RARB: variants seen among roughly 807,000 people sequenced by gnomAD.
RARB encodes the protein retinoic acid receptor beta.
A neutral mutation model predicts 51.9 loss-of-function variants in RARB; 17 were observed. The ratio of observed to expected loss-of-function variants is 0.33; its 90% CI spans 0.22 to 0.49. RARB has a LOEUF of 0.49. RARB is among the 20% of genes least tolerant of loss of function. RARB has a pLI of 0.99. For synonymous variants in RARB, 215 were observed against 195.4 expected (o/e 1.10, Z -0.84); for missense variants, 369 against 550.8 (o/e 0.67, Z 3.30).
At chr3:25,311,989 G>GA (rs375474729) in intron 5 of RARB, among the ~76,000 whole-genome samples, 23 of 151,544 alleles carry the variant, frequency 1.5e-4, no homozygotes, top group African/African-American at 5.6e-4. Context: ...TACTTGGTTA[G>GA]AAAAAAAAGG....
At chr3:25,346,536 C>T (rs1705400390) in intron 5 of RARB, among the ~76,000 whole-genome samples, 1 of 152,154 alleles carries the variant, frequency 6.6e-6, no homozygotes, top group Admixed American at 6.5e-5. Context: ...CAGATGAGCT[C>T]ACCAGTCCCT....
At chr3:25,491,694 A>G (rs1696746418) in intron 2 of RARB, among the ~76,000 whole-genome samples, 1 of 152,180 alleles carries the variant, frequency 6.6e-6, no homozygotes, top group African/African-American at 2.4e-5. Flanking sequence ...TAATCCCAAC[A>G]CTGTGGGAGA....
chr3:25,409,944 A>G (rs565720731), intron 5 of RARB, among the ~76,000 whole-genome samples: 1 of 152,320 alleles, frequency 6.6e-6, no homozygotes, highest in Non-Finnish European at 1.5e-5. Context: ...TTTGTCCTAG[A>G]CAAATCCTAA....
At chr3:25,479,797 C>G (rs543420318) in intron 2 of RARB, among the ~76,000 whole-genome samples, 36 of 152,266 alleles carry the variant, frequency 2.4e-4, no homozygotes, top group Non-Finnish European at 4.1e-4. Flanking sequence ...CTTTCAACCC[C>G]TCTTCTACTG....
At chr3:25,202,454 T>G in intron 5 of RARB, among the ~76,000 whole-genome samples, 1 of 152,202 alleles carries the variant, frequency 6.6e-6, no homozygotes, top group Admixed American at 6.5e-5. Context: ...GCTCTGATCT[T>G]AGTTATTTCT....
At chr3:24,909,153 G>A (rs1274605619) in intron 2 of RARB, among the ~76,000 whole-genome samples, 1 of 152,146 alleles carries the variant, frequency 6.6e-6, no homozygotes, top group African/African-American at 2.4e-5. Flanking sequence ...TTAAAAGCAA[G>A]TAAGTTGTAG....
At chr3:25,274,082 G>A (rs372933121) in intron 5 of RARB, among the ~76,000 whole-genome samples, 1 of 152,118 alleles carries the variant, frequency 6.6e-6, no homozygotes, top group South Asian at 2.1e-4. Flanking sequence ...TGTATCCTCT[G>A]AGACATATAT....
In RARB at chr3:25,480,429, T is replaced by TCTTTCC. The variant is rs1008353153; in HGVS notation, c.306+19099_306+19104dup. Among the ~76,000 whole-genome samples, 5 of 152,348 alleles carry TCTTTCC rather than the reference T, an allele frequency of 3.3e-5. No homozygotes were observed. In the East Asian group the frequency reaches 7.7e-4, roughly 23 times the overall value. ...AGTCTGTGAACCTCCCGGTTACTTC[T>TCTTTCC]CTTTCCCTTTCCCTTTAGGAACATG... On this transcript the variant is annotated intron_variant, in intron 2 of 7. Transcript: ENST00000330688.
At chr3:25,115,776 C>A (rs1699676666) in intron 3 of RARB, among the ~76,000 whole-genome samples, 1 of 151,904 alleles carries the variant, frequency 6.6e-6, no homozygotes, top group Admixed American at 6.6e-5. Context: ...ACAGCACATG[C>A]CATCACACTC....
intron 2 of RARB, among the ~76,000 whole-genome samples, chr3:25,049,485 G>T (rs920055220): frequency 6.6e-6 from 1 of 152,124 alleles, no homozygotes; most frequent in Non-Finnish European, 1.5e-5. Context: ...TCCAGTTGAG[G>T]TCCTTGTCAT....
At chr3:25,248,772 G>T (rs1702632604) in intron 5 of RARB, among the ~76,000 whole-genome samples, 1 of 151,992 alleles carries the variant, frequency 6.6e-6, no homozygotes, top group Non-Finnish European at 1.5e-5. Context: ...TTATCTCCTG[G>T]CTTGTAAGAT....
intron 2 of RARB, among the ~76,000 whole-genome samples, chr3:25,047,367 G>A (rs1414245502): frequency 6.6e-6 from 1 of 151,726 alleles, no homozygotes; most frequent in Non-Finnish European, 1.5e-5. Context: ...AGCCCATCAG[G>A]TACTTATGTA....
At chr3:25,302,767 A>G (rs1439221824) in intron 5 of RARB, among the ~76,000 whole-genome samples, 3 of 152,236 alleles carry the variant, frequency 2.0e-5, no homozygotes, top group African/African-American at 7.2e-5. Context: ...TGTGAATTGT[A>G]TCTCAAGCCA....
chr3:24,843,266 C>T (rs1702441947), intron 1 of RARB, among the ~76,000 whole-genome samples: 1 of 152,194 alleles, frequency 6.6e-6, no homozygotes, highest in South Asian at 2.1e-4. Flanking sequence ...CAAACCATCT[C>T]TTCCAGACAG....
chr3:25,348,395 A>G (rs1705460822), intron 5 of RARB, among the ~76,000 whole-genome samples: 1 of 151,984 alleles, frequency 6.6e-6, no homozygotes, highest in Non-Finnish European at 1.5e-5. Flanking sequence ...TGTGATTCGG[A>G]AGAGATTATA....
intron 5 of RARB, among the ~76,000 whole-genome samples, chr3:25,301,040 C>T (rs923382062): frequency 1.3e-5 from 2 of 152,058 alleles, no homozygotes; most frequent in African/African-American, 4.8e-5. Context: ...TTAGATTTTT[C>T]GACTATACAA....
In RARB at chr3:25,252,504, G is replaced by A. The variant is rs562971060; in HGVS notation, c.178+77929G>A. 6.4e-4 allele frequency among the ~76,000 whole-genome samples: 98 copies of A among 152,172 alleles called. 1 individual carries two copies. Among genetic ancestry groups the A allele is most frequent in the African/African-American group, 2.3e-3 (95 of 41,516 alleles). On this transcript the variant is annotated intron_variant, in intron 5 of 11. Transcript: ENST00000383772. The stretch of plus-strand genomic sequence containing the variant: ...ATGGTATATCTTTCCATTTATTTAG[G>A]TCTTCTTTAACTTCTTTCAGTAATG...
intron 2 of RARB, among the ~76,000 whole-genome samples, chr3:24,883,395 T>TGTGTGTGTGTGTGTGTG (rs1575052742): frequency 1.3e-5 from 2 of 149,676 alleles, no homozygotes; most frequent in Non-Finnish European, 3.0e-5. Flanking sequence ...TGTGTGTGTG[T>TGTGTGTGTGTGTGTGTG]TTAAACCACT....
chr3:24,940,664 C>G (rs759372367), intron 2 of RARB, among the ~76,000 whole-genome samples: 1 of 152,062 alleles, frequency 6.6e-6, no homozygotes. Flanking sequence ...TTAGAATAAC[C>G]AGCCAATCTA....
Sources: gnomAD v4.1 joint callset for allele counts (sites outside exome capture counted in the v4.1 genomes callset) on GRCh38, gnomAD v4.1.1 for gene constraint, MANE v1.5 for transcripts, NCBI Gene and HGNC (gene_info 2026-07-23, HGNC 2026-07-21) for gene names.